The following ZFAND4 variants were observed in gnomAD, a reference collection of about 807,000 sequenced individuals.
The protein encoded by ZFAND4 is AN1-type zinc finger protein 4.
ZFAND4 carries 43 observed loss-of-function variants against 64.4 expected under a neutral mutation model. The observed-to-expected ratio is 0.67, with a 90% CI of 0.52 to 0.86. The LOEUF is 0.86. Ranked by LOEUF, ZFAND4 falls within the 40% of genes least tolerant of loss-of-function variation. The pLI, the probability that ZFAND4 is intolerant of heterozygous loss-of-function variation, is 0.00. For missense variants in ZFAND4, 929 were observed against 859.8 expected (o/e 1.08, Z -1.01); for synonymous variants, 296 against 305.7 (o/e 0.97, Z 0.33).
In ZFAND4 at chr10:45,639,885, T is replaced by C; in HGVS notation, c.648A>G (p.Glu216=). The C allele has an allele frequency of 3.1e-6, 5 of 1,613,716 alleles. No homozygotes were observed. Among genetic ancestry groups the C allele is most frequent in the Non-Finnish European group, 4.2e-6 (5 of 1,179,950 alleles). ...EPSSSGQQII[E]NSITMNKMKL... ...TCATCTTATTCATAGTTATTGAATT[T>C]TCAATTATCTGTTGCCCAGAAGAAG... Residue 216 remains glutamate (E), a synonymous_variant, in exon 6 of 10, where the codon GAA becomes GAG. Coordinates refer to ENST00000344646, the MANE Select transcript of ZFAND4 (RefSeq NM_174890.4).
At chr10:45,666,211 A>C (rs1041558723) in intron 1 of ZFAND4, among the ~76,000 whole-genome samples, 4 of 152,200 alleles carry the variant, frequency 2.6e-5, no homozygotes, top group Admixed American at 2.6e-4. Context: ...CACACCCTTG[A>C]CAATACTTGT....
chr10:45,627,491 TAAA>T (rs745597336), intron 6 of ZFAND4, among the ~76,000 whole-genome samples: 1 of 129,404 alleles, frequency 7.7e-6, no homozygotes, highest in Non-Finnish European at 1.7e-5. Flanking sequence ...TTATCAATCC[TAAA>T]AAAAAAAAAA....
rs1212759248 is a variant in ZFAND4 at position 45,663,649 on chromosome 10, T to C, written c.77A>G (p.Asp26Gly). ...TGTTTCAATGAAGAGCTCCATGGTA[T>C]CACAGAAATGAAGTCTGTAGTAAAA... ...GPFYYRLHFC[D>G]TMELFIETLT... The change falls in exon 2 of 10, where the codon GAT becomes GGT. Residue 26 changes from aspartate to glycine, a missense_variant. Transcript: ENST00000344646. 3 of 1,611,414 alleles carry C rather than the reference T, an allele frequency of 1.9e-6. No homozygotes were observed. The highest frequency in any genetic ancestry group is 8.5e-7 in the Non-Finnish European group (1 of 1,179,208).
intron 1 of ZFAND4, among the ~76,000 whole-genome samples, chr10:45,665,564 T>C (rs904596488): frequency 2.0e-5 from 3 of 152,080 alleles, no homozygotes; most frequent in Non-Finnish European, 2.9e-5. Flanking sequence ...AAAAGCTTTA[T>C]TGAAATATAA....
chr10:45,650,478 C>T (rs1429793500), intron 4 of ZFAND4: 4 of 151,430 alleles, frequency 2.6e-5, no homozygotes, highest in Non-Finnish European at 5.9e-5. Flanking sequence ...TGCCACTGCA[C>T]TCCAGCCTCG....
intron 6 of ZFAND4, among the ~76,000 whole-genome samples, chr10:45,631,513 A>G (rs527805307): frequency 6.6e-6 from 1 of 152,254 alleles, no homozygotes; most frequent in East Asian, 1.9e-4. Flanking sequence ...CACTACATTT[A>G]AAAGAAAAAA....
intron 8 of ZFAND4, among the ~76,000 whole-genome samples, chr10:45,621,468 C>G (rs966007570): frequency 6.7e-6 from 1 of 150,042 alleles, no homozygotes; most frequent in Non-Finnish European, 1.5e-5. Context: ...TAAGGCCAGG[C>G]GCAGTGGCTC....
intron 1 of ZFAND4, among the ~76,000 whole-genome samples, chr10:45,664,962 C>T (rs185630318): frequency 6.6e-6 from 1 of 151,998 alleles, no homozygotes; most frequent in Non-Finnish European, 1.5e-5. Context: ...CTCACTAAAT[C>T]ATCAACGGTT....
chr10:45,619,699 T>C (rs568616059), intron 8 of ZFAND4, among the ~76,000 whole-genome samples: 1 of 146,436 alleles, frequency 6.8e-6, no homozygotes, highest in Admixed American at 6.8e-5. Flanking sequence ...TTCTATGTCT[T>C]TTTTTTTTTG....
intron 5 of ZFAND4, among the ~76,000 whole-genome samples, chr10:45,644,772 T>A (rs1282444133): frequency 1.3e-5 from 2 of 152,142 alleles, no homozygotes; most frequent in African/African-American, 4.8e-5. Context: ...ATTGAGGGCG[T>A]CAATACCAAG....
rs181488735 is a variant in ZFAND4, at chr10:45,664,102, T to A, written c.-117-260A>T. On this transcript the variant is annotated intron_variant, in intron 1 of 9. Coordinates refer to ENST00000344646, the MANE Select transcript of ZFAND4 (RefSeq NM_174890.4). Reference sequence around the variant, plus strand: ...GAGCTCAGCACAGTTATATATATAGTACATGCTCAACAAATACTTTTGTTG... The same window carrying A: ...GAGCTCAGCACAGTTATATATATAGAACATGCTCAACAAATACTTTTGTTG... Among the ~76,000 whole-genome samples, 3 of 152,282 alleles carry A rather than the reference T, an allele frequency of 2.0e-5. No individual in the cohort carries two copies. In the East Asian group the frequency reaches 5.8e-4, roughly 29 times the overall value.
intron 4 of ZFAND4, among the ~76,000 whole-genome samples, chr10:45,649,395 C>T (rs1051851668): frequency 6.6e-6 from 1 of 152,166 alleles, no homozygotes; most frequent in East Asian, 1.9e-4. Context: ...CTCCCAAAGA[C>T]ATTCTCATCA....
chr10:45,670,929 A>T (rs967723019), intron 1 of ZFAND4, among the ~76,000 whole-genome samples: 1 of 152,204 alleles, frequency 6.6e-6, no homozygotes, highest in Non-Finnish European at 1.5e-5. Flanking sequence ...TTTGCAATCT[A>T]CCCATCTGAC....
At chr10:45,653,581 C>T (rs1174591273) in intron 2 of ZFAND4, among the ~76,000 whole-genome samples, 1 of 152,158 alleles carries the variant, frequency 6.6e-6, no homozygotes, top group African/African-American at 2.4e-5. Flanking sequence ...CTCAACATTA[C>T]TAATCATTAG....
chr10:45,644,471 A>G (rs1034840748), intron 5 of ZFAND4, among the ~76,000 whole-genome samples: 2 of 152,224 alleles, frequency 1.3e-5, no homozygotes, highest in Admixed American at 6.5e-5. Flanking sequence ...ATTTCTTTAC[A>G]CAAATAAAAA....
intron 8 of ZFAND4, among the ~76,000 whole-genome samples, chr10:45,620,268 GAGGTCAGTTC>G (rs2045323387): frequency 6.6e-6 from 1 of 152,126 alleles, no homozygotes; most frequent in Non-Finnish European, 1.5e-5. Context: ...CGAATCAACT[GAGGTCAGTTC>G]AAGACCAGTC....
At chr10:45,640,309 T>C in intron 5 of ZFAND4, 1 of 1,249,308 alleles carries the variant, frequency 8.0e-7, no homozygotes, top group South Asian at 1.4e-5. Context: ...CAGCCAAGGC[T>C]GATAATTGTG....
At position 45,655,877 on chromosome 10, in the gene ZFAND4, C is replaced by T. The variant is rs181338384; in HGVS notation, c.185-2818G>A. Among the ~76,000 whole-genome samples the T allele has an allele frequency of 1.5e-3, 230 of 152,144 alleles. 1 individual carries two copies. The highest frequency in any genetic ancestry group is 4.1e-3 in the African/African-American group (172 of 41,508). ...GAATGAATCAGTAATTTTTAAATTG[C>T]AAACAACAAAAAAAGCCCAGGGCCA... On this transcript the variant is annotated intron_variant, in intron 2 of 9. Transcript: ENST00000344646.
At chr10:45,624,486 A>T in intron 8 of ZFAND4, 97 bp downstream of exon 8, 1 of 1,103,428 alleles carries the variant, frequency 9.1e-7, no homozygotes, top group Non-Finnish European at 1.4e-6. Flanking sequence ...TACATGCCAC[A>T]GAGAAGGTTC....
Sources: allele counts gnomAD v4.1 joint callset (sites outside exome capture counted in the v4.1 genomes callset), GRCh38; gene constraint gnomAD v4.1.1; transcripts MANE v1.5; gene names NCBI Gene and HGNC (gene_info 2026-07-23, HGNC 2026-07-21).